The following TOGARAM1 variants were observed in gnomAD, a reference collection of about 807,000 sequenced individuals.
TOGARAM1 encodes TOG array regulator of axonemal microtubules 1, also known as TOG array regulator of axonemal microtubules protein 1.
A neutral mutation model predicts 166.6 loss-of-function variants in TOGARAM1; 100 were observed. That is an observed-to-expected ratio of 0.60 (90% confidence interval 0.51 to 0.71). The LOEUF is 0.71. Ranked by LOEUF, TOGARAM1 falls within the 30% of genes least tolerant of loss-of-function variation. TOGARAM1 has a pLI of 0.00. For synonymous variants in TOGARAM1, 758 were observed against 763.8 expected, an observed-to-expected ratio of 0.99 and a Z score of 0.13; for missense variants, 2,029 against 2,102.7, an observed-to-expected ratio of 0.96 and a Z score of 0.69.
In TOGARAM1 at chr14:44,963,037, T is replaced by G. The variant is rs769924502; in HGVS notation, c.616T>G (p.Cys206Gly). Residue 206 changes from cysteine (C) to glycine (G), a missense_variant, in exon 1 of 20, where the codon TGT becomes GGT. Cys to Gly is a radical substitution (Grantham distance 159). Around this residue, in one of 2 missense-constraint regions of TOGARAM1, gnomAD observed 1,453 missense variants for 1,432.2 expected, o/e 1.01. Transcript: ENST00000361462. ...RKDALQILHICLKRSPGEVLR... is the reference protein window; with the variant it reads ...RKDALQILHIGLKRSPGEVLR... The stretch of plus-strand genomic sequence containing the variant: ...AGATGCGCTGCAGATCCTTCATATA[T>G]GTCTGAAACGTAGTCCTGGAGAGGT... 2 of 1,614,208 alleles carry G rather than the reference T, an allele frequency of 1.2e-6. No homozygotes were observed. Among genetic ancestry groups the G allele is most frequent in the Admixed American group, 1.7e-5 (1 of 60,032 alleles).
intron 11 of TOGARAM1, among the ~76,000 whole-genome samples, chr14:45,035,901 CA>C (rs1881402829): frequency 6.8e-6 from 1 of 147,748 alleles, no homozygotes; most frequent in African/African-American, 2.5e-5. Context: ...TGCTTGAGCC[CA>C]GAAGTTAAAG....
Position 45,009,090 on chromosome 14 carries a change from A to C in TOGARAM1, c.3082A>C (p.Ser1028Arg), listed in dbSNP as rs760160650. 1.9e-6 allele frequency: 3 copies of C among 1,614,116 alleles called. No homozygotes were observed. The highest frequency in any genetic ancestry group is 2.5e-6 in the Non-Finnish European group (3 of 1,179,992). The change falls in exon 6 of 20, where the codon AGC (serine) becomes CGC (arginine). Residue 1028 changes from serine to arginine, a missense_variant. By Grantham distance (110) the Ser-to-Arg change is moderately radical. Coordinates refer to ENST00000361462, the MANE Select transcript of TOGARAM1 (RefSeq NM_001308120.2). ...INSYSESGVY[S>R]QESLTSSLST... ...TTCTTACAGTGAAAGTGGAGTTTAC[A>C]GCCAAGAATCATTGACTTCTTCTCT...
At chr14:45,058,297 CTTT>C (rs749622003) in intron 16 of TOGARAM1, among the ~76,000 whole-genome samples, 2 of 141,148 alleles carry the variant, frequency 1.4e-5, no homozygotes, top group African/African-American at 2.6e-5. Context: ...TGTAGAGTGT[CTTT>C]TTTTTTTTTT....
intron 2 of TOGARAM1, among the ~76,000 whole-genome samples, chr14:44,998,550 T>G (rs1006591415): frequency 6.6e-6 from 1 of 152,228 alleles, no homozygotes; most frequent in Non-Finnish European, 1.5e-5. Context: ...GAAGATCACC[T>G]GAGCTCAGGG....
At chr14:44,995,626 A>G in intron 1 of TOGARAM1, 120 bp from the exon 2 acceptor site, 1 of 699,194 alleles carries the variant, frequency 1.4e-6, no homozygotes, top group Non-Finnish European at 2.4e-6. Context: ...ATCATTATAT[A>G]TTTGATAAAT....
At chr14:45,001,858 A>T (rs1887703626) in intron 3 of TOGARAM1, among the ~76,000 whole-genome samples, 1 of 152,218 alleles carries the variant, frequency 6.6e-6, no homozygotes, top group Non-Finnish European at 1.5e-5. Flanking sequence ...TAAGATACAG[A>T]AGAGGAAAGA....
At chr14:45,013,856 G>A (rs946585566) in intron 7 of TOGARAM1, among the ~76,000 whole-genome samples, 5 of 152,004 alleles carry the variant, frequency 3.3e-5, no homozygotes, top group African/African-American at 1.2e-4. Flanking sequence ...TTGTAAAAAT[G>A]GAACCCACTT....
intron 11 of TOGARAM1, among the ~76,000 whole-genome samples, chr14:45,041,361 A>G (rs1399747659): frequency 6.6e-6 from 1 of 152,242 alleles, no homozygotes; most frequent in Non-Finnish European, 1.5e-5. Flanking sequence ...AGATCACGCC[A>G]CTGCACTCCA....
chr14:44,998,329 T>G (rs537326996), intron 2 of TOGARAM1, among the ~76,000 whole-genome samples: 2 of 152,352 alleles, frequency 1.3e-5, no homozygotes, highest in East Asian at 3.9e-4. Flanking sequence ...TTGGATGATA[T>G]GAATTACAAA....
intron 1 of TOGARAM1, among the ~76,000 whole-genome samples, chr14:44,975,129 G>A (rs1405036756): frequency 6.6e-6 from 1 of 152,050 alleles, no homozygotes; most frequent in South Asian, 2.1e-4. Flanking sequence ...ATTGCTAAAT[G>A]ATTAAAAACA....
intron 7 of TOGARAM1, among the ~76,000 whole-genome samples, chr14:45,012,483 A>G (rs940741189): frequency 3.9e-5 from 6 of 152,234 alleles, no homozygotes; most frequent in African/African-American, 7.2e-5. Flanking sequence ...TGTTAATAGT[A>G]GTTAAATTCA....
chr14:45,011,323 A>G (rs1480572164), intron 6 of TOGARAM1, among the ~76,000 whole-genome samples: 1 of 151,942 alleles, frequency 6.6e-6, no homozygotes, highest in Non-Finnish European at 1.5e-5. Context: ...ATTTATTTTC[A>G]TTTTTTTGAG....
At position 44,963,822 on chromosome 14, in the gene TOGARAM1, A is replaced by T. The variant is rs758352445; in HGVS notation, c.1401A>T (p.Gly467=). 1.9e-6 allele frequency: 3 copies of T among 1,614,026 alleles called. No individual in the cohort carries two copies. In the East Asian group the frequency reaches 6.7e-5, roughly 36 times the overall value. The change falls in exon 1 of 20, where the codon GGA becomes GGT. Residue 467 remains glycine, a synonymous_variant. Coordinates refer to ENST00000361462, the MANE Select transcript of TOGARAM1 (RefSeq NM_001308120.2). Reference sequence around the variant, plus strand: ...TCCTCAAGCTAATGAAGGAAGTAGGACCTCAGCAGGTGCTTTGTTTACTCC... The same window carrying T: ...TCCTCAAGCTAATGAAGGAAGTAGGTCCTCAGCAGGTGCTTTGTTTACTCC... ...KIFLKLMKEV[G]PQQVLCLLLE...
At chr14:45,024,579 T>A (rs962837995) in intron 7 of TOGARAM1, among the ~76,000 whole-genome samples, 5 of 152,204 alleles carry the variant, frequency 3.3e-5, no homozygotes, top group African/African-American at 1.2e-4. Context: ...ATTCGTCTCT[T>A]GATAGTTTAT....
At chr14:44,995,592 G>A (rs547200612) in intron 1 of TOGARAM1, 154 bp from the exon 2 acceptor site, 35 of 660,836 alleles carry the variant, frequency 5.3e-5, no homozygotes, top group Non-Finnish European at 7.9e-5. Context: ...TGGTGTACCC[G>A]ACTAAATATG....
chr14:45,023,222 C>T (rs1880628484), intron 7 of TOGARAM1, among the ~76,000 whole-genome samples: 1 of 152,178 alleles, frequency 6.6e-6, no homozygotes, highest in South Asian at 2.1e-4. Context: ...AAGGTCCCCT[C>T]GAGCGGCATA....
chr14:45,006,870 T>C (rs1040172604), intron 5 of TOGARAM1: 2 of 152,282 alleles, frequency 1.3e-5, no homozygotes, highest in African/African-American at 2.4e-5. Flanking sequence ...AGCTTACTTA[T>C]CTTTATGAAA....
intron 1 of TOGARAM1, among the ~76,000 whole-genome samples, chr14:44,989,475 T>A (rs1027326807): frequency 6.6e-6 from 1 of 151,762 alleles, no homozygotes; most frequent in African/African-American, 2.4e-5. Context: ...ACAGGTAGGG[T>A]CCATAATAAG....
Position 44,986,965 on chromosome 14 carries a change from A to G in TOGARAM1, c.2047-8781A>G, listed in dbSNP as rs143425865. Among the ~76,000 whole-genome samples the G allele has an allele frequency of 1.8e-4, 27 of 150,384 alleles. 1 individual carries two copies. The East Asian group carries it at 4.3e-3, about 24-fold the overall frequency. On this transcript the variant is annotated intron_variant, in intron 1 of 19. Coordinates refer to ENST00000361462, the MANE Select transcript of TOGARAM1 (RefSeq NM_001308120.2). ...GCTTGCAGTGAACCGAGATTGCGCC[A>G]CTGCACTCCAGCCTGGGCGACAGAG... is the stretch of plus-strand genomic sequence containing the variant.
Sources: gnomAD v4.1 joint callset for allele counts (sites outside exome capture counted in the v4.1 genomes callset) on GRCh38, gnomAD v4.1.1 for gene constraint, gnomAD v4.1.1 regional missense constraint, MANE v1.5 for transcripts, NCBI Gene and HGNC (gene_info 2026-07-23, HGNC 2026-07-21) for gene names.